The following IL1RAPL2 variants were observed in gnomAD, a reference collection of about 807,000 sequenced individuals.
IL1RAPL2 encodes interleukin 1 receptor accessory protein like 2.
Under a neutral mutation model 44.1 loss-of-function variants are expected in IL1RAPL2, and 3 were observed. That is an observed-to-expected ratio of 0.07 (90% CI 0.03 to 0.18). The LOEUF (loss-of-function observed/expected upper bound fraction) is 0.18. Among genes scored for constraint, IL1RAPL2 ranks in the 10% least tolerant of loss-of-function variants. The pLI is 1.00. For synonymous variants in IL1RAPL2, 181 were observed against 178.8 expected (o/e 1.01, Z -0.10); for missense variants, 391 against 496.4 (o/e 0.79, Z 2.02).
At chrX:105,494,135 A>G (rs1172147750) in intron 6 of IL1RAPL2, among the ~76,000 whole-genome samples, 2 of 111,846 alleles carry the variant, frequency 1.8e-5, no homozygotes, top group Non-Finnish European at 3.8e-5. Context: ...GTTTGAATTT[A>G]TTAGGAATAA....
intron 5 of IL1RAPL2, among the ~76,000 whole-genome samples, chrX:105,448,341 T>C (rs1268781075): frequency 9.2e-6 from 1 of 108,952 alleles, no homozygotes; most frequent in African/African-American, 3.4e-5. Context: ...CATATCTCTT[T>C]GTCTACCTCC....
At chrX:105,691,659 G>T (rs1192628675) in intron 6 of IL1RAPL2, among the ~76,000 whole-genome samples, 1 of 111,780 alleles carries the variant, frequency 8.9e-6, no homozygotes, top group Non-Finnish European at 1.9e-5. Flanking sequence ...TCAGAAAAAG[G>T]TAAAATCATG....
intron 2 of IL1RAPL2, among the ~76,000 whole-genome samples, chrX:105,002,925 T>C (rs1476923151): frequency 3.6e-5 from 4 of 111,567 alleles, no homozygotes; most frequent in Non-Finnish European, 7.6e-5. Flanking sequence ...GTGAGAATTC[T>C]AAGGTTTTTT....
chrX:105,234,146 G>A, intron 4 of IL1RAPL2, 142 bp downstream of exon 4: 1 of 442,185 alleles, frequency 2.3e-6, no homozygotes, highest in Non-Finnish European at 3.7e-6. Flanking sequence ...AAATAATTCA[G>A]AGCTGTGACT....
At chrX:104,922,875 G>T (rs1438776576) in intron 2 of IL1RAPL2, among the ~76,000 whole-genome samples, 1 of 111,689 alleles carries the variant, frequency 9.0e-6, no homozygotes, top group Non-Finnish European at 1.9e-5. Context: ...GAAGCTCAGT[G>T]AAATACAAAG....
intron 5 of IL1RAPL2, among the ~76,000 whole-genome samples, chrX:105,366,374 C>A (rs890797453): frequency 2.7e-5 from 3 of 109,275 alleles, no homozygotes; most frequent in African/African-American, 1.0e-4. Flanking sequence ...CTTCTCTGAT[C>A]TTTATTATTT....
At chrX:104,976,592 T>G (rs989437202) in intron 2 of IL1RAPL2, among the ~76,000 whole-genome samples, 1 of 111,534 alleles carries the variant, frequency 9.0e-6, no homozygotes, top group Non-Finnish European at 1.9e-5. Context: ...CCCATAATAC[T>G]GGAAGGAATG....
chrX:104,906,783 T>C (rs2147678737), intron 2 of IL1RAPL2, among the ~76,000 whole-genome samples: 1 of 111,973 alleles, frequency 8.9e-6, no homozygotes, highest in South Asian at 3.8e-4. Context: ...TGGTTGTGTC[T>C]CTGCCTGGCT....
intron 3 of IL1RAPL2, among the ~76,000 whole-genome samples, chrX:105,230,840 G>A (rs1220428616): frequency 9.0e-6 from 1 of 111,528 alleles, no homozygotes; most frequent in African/African-American, 3.3e-5. Context: ...AGAACTAGTT[G>A]AGTCTAGTGA....
intron 2 of IL1RAPL2, among the ~76,000 whole-genome samples, chrX:104,876,718 TTTATTA>T (rs200283526): frequency 9.0e-4 from 84 of 93,388 alleles, no homozygotes; most frequent in African/African-American, 1.5e-3. Context: ...AACAATTTCT[TTTATTA>T]TTATTATTAT....
chrX:104,685,242 CTCT>C lies in IL1RAPL2; in HGVS notation c.82+26252_82+26254del, dbSNP rs1930964975. ...AGTCCACTCAGGCATTACCCCTATC[CTCT>C]TCTTTCAAGACTTCCATGACTAATT... is the stretch of plus-strand genomic sequence containing the variant. On this transcript the variant is annotated intron_variant, in intron 2 of 10. Transcript: ENST00000372582. Among the ~76,000 whole-genome samples, 4 of 112,233 alleles carry C rather than the reference CTCT, an allele frequency of 3.6e-5. 1 individual carries two copies. In the South Asian group the frequency reaches 1.5e-3, roughly 43 times the overall value.
chrX:104,599,407 C>T (rs1186140108), intron 1 of IL1RAPL2, among the ~76,000 whole-genome samples: 1 of 109,472 alleles, frequency 9.1e-6, no homozygotes, highest in African/African-American at 3.3e-5. Context: ...GCCACATGCT[C>T]AGCTAATTTT....
At chrX:105,039,375 G>A (rs1430835718) in intron 2 of IL1RAPL2, among the ~76,000 whole-genome samples, 1 of 111,901 alleles carries the variant, frequency 8.9e-6, no homozygotes, top group Non-Finnish European at 1.9e-5. Context: ...TGTTATGCAA[G>A]ATCAGTGACA....
chrX:105,452,534 C>T (rs1346700717), intron 5 of IL1RAPL2, among the ~76,000 whole-genome samples: 1 of 111,282 alleles, frequency 9.0e-6, no homozygotes, highest in East Asian at 2.8e-4. Context: ...TTTTGTATGC[C>T]AGTCATAAAA....
chrX:104,734,418 G>A (rs1931978186), intron 2 of IL1RAPL2, among the ~76,000 whole-genome samples: 2 of 112,467 alleles, frequency 1.8e-5, no homozygotes, highest in Admixed American at 1.9e-4. Context: ...CAGATGAATG[G>A]ATAAAACATA....
intron 5 of IL1RAPL2, among the ~76,000 whole-genome samples, chrX:105,408,675 T>G (rs1341768642): frequency 9.0e-6 from 1 of 111,633 alleles, no homozygotes; most frequent in African/African-American, 3.3e-5. Context: ...TCATAATCAA[T>G]ATATGCCTAA....
chrX:104,612,197 C>A (rs1005748963), intron 1 of IL1RAPL2, among the ~76,000 whole-genome samples: 2 of 111,713 alleles, frequency 1.8e-5, no homozygotes, highest in Non-Finnish European at 3.8e-5. Flanking sequence ...TAATTCAGTC[C>A]CACTTGTCAA....
chrX:105,219,906 G>A, intron 3 of IL1RAPL2: 1 of 1,115,188 alleles, frequency 9.0e-7, no homozygotes, highest in Non-Finnish European at 1.2e-6. Context: ...GCAGGGCAGT[G>A]GTACTGGGCA....
rs140931451 is a variant in IL1RAPL2 at position 104,681,371 on chromosome X, A to G, written c.82+22376A>G. 1.5e-4 allele frequency among the ~76,000 whole-genome samples: 17 copies of G among 112,325 alleles called. 2 individuals are homozygous for G. The highest frequency in any genetic ancestry group is 4.8e-4 in the African/African-American group (15 of 31,041). ...GAAGTACAAGTTCCCCTGAGGGTCAATAGGTAAATGTGTTATTACTCTTTG... is the reference window on the plus strand; with the variant it reads ...GAAGTACAAGTTCCCCTGAGGGTCAGTAGGTAAATGTGTTATTACTCTTTG... On this transcript the variant is annotated intron_variant, in intron 2 of 10. Coordinates refer to ENST00000372582, the MANE Select transcript of IL1RAPL2 (RefSeq NM_017416.2).
Sources: allele counts gnomAD v4.1 joint callset (sites outside exome capture counted in the v4.1 genomes callset), GRCh38; gene constraint gnomAD v4.1.1; transcripts MANE v1.5; gene names NCBI Gene and HGNC (gene_info 2026-07-23, HGNC 2026-07-21).